SEPTIN8: variants seen among roughly 807,000 people sequenced by gnomAD.
SEPTIN8 encodes the protein septin 8.
SEPTIN8 carries 22 observed loss-of-function variants against 53.1 expected under a neutral mutation model. The observed-to-expected ratio is 0.41, with a 90% CI of 0.30 to 0.59. The LOEUF (loss-of-function observed/expected upper bound fraction) is 0.59, where lower values mean the gene tolerates loss of function less well. Ranked by LOEUF, SEPTIN8 falls within the 20% of genes least tolerant of loss-of-function variation. SEPTIN8 has a pLI of 0.24. For synonymous variants in SEPTIN8, 228 were observed against 248.4 expected, an observed-to-expected ratio of 0.92 and a Z score of 0.77; for missense variants, 536 against 638.7, an observed-to-expected ratio of 0.84 and a Z score of 1.73.
rs749257924 is a variant in SEPTIN8, at chr5:132,750,910, G to T, written c.*1106C>A. Reference sequence around the variant, plus strand: ...AGCACTATGGCTCTGACTATTCCCCGAATGAGCTGCTGAGGATGGAGCTGG... The same window carrying T: ...AGCACTATGGCTCTGACTATTCCCCTAATGAGCTGCTGAGGATGGAGCTGG... On this transcript the variant is annotated 3_prime_UTR_variant, in exon 10 of 10. Coordinates refer to ENST00000378719, the MANE Select transcript of SEPTIN8 (RefSeq NM_001098811.2). The T allele has an allele frequency of 5.8e-5, 94 of 1,614,098 alleles. No individual in the cohort carries two copies. Among genetic ancestry groups the T allele is most frequent in the Non-Finnish European group, 7.5e-5 (88 of 1,180,040 alleles).
rs1755902953 is a variant in SEPTIN8, at chr5:132,761,187, C to T, written c.1041G>A (p.Met347Ile). 1 of 1,614,112 alleles carries T rather than the reference C, an allele frequency of 6.2e-7. No homozygotes were observed. The highest frequency in any genetic ancestry group is 1.3e-5 in the African/African-American group (1 of 74,944). The change falls in exon 8 of 10, where the codon ATG becomes ATA. Residue 347 changes from methionine (M) to isoleucine (I), a missense_variant. Around this residue, in one of 3 missense-constraint regions of SEPTIN8, gnomAD observed 8 missense variants for 29.5 expected, o/e 0.27. Coordinates refer to ENST00000378719, the MANE Select transcript of SEPTIN8 (RefSeq NM_001098811.2). This position sits in a 1 kb window ranked among gnomAD's most constrained non-coding sequence, Gnocchi z 5.8. ...LQRKEEEMRQ[M>I]FVNKVKETEL... is the part of the protein sequence containing the mutation. ...CTGTCTCCTTCACTTTGTTGACAAA[C>T]ATCTGCCTCATCTCTTCCTCCTTCC...
intron 1 of SEPTIN8, among the ~76,000 whole-genome samples, chr5:132,770,028 CACATATAT>C (rs1561767992): frequency 1.2e-4 from 10 of 83,490 alleles, no homozygotes; most frequent in African/African-American, 5.0e-4. Context: ...TATATACACA[CACATATAT>C]ATATATGTGT....
intron 9 of SEPTIN8, chr5:132,753,060 T>C: frequency 9.7e-7 from 1 of 1,035,994 alleles, no homozygotes; most frequent in Non-Finnish European, 1.5e-6. Context: ...TTATGAATCC[T>C]GTAAAAAGGG....
At position 132,761,729 on chromosome 5, in the gene SEPTIN8, G is replaced by GTAC; in HGVS notation, c.793+68_793+70dup. 6.3e-7 allele frequency: 1 copy of GTAC among 1,584,476 alleles called. No individual in the cohort carries two copies. The highest frequency in any genetic ancestry group is 1.2e-5 in the South Asian group (1 of 86,098). On this transcript the variant is annotated intron_variant, in intron 6 of 9. Transcript: ENST00000378719. This position sits in a 1 kb window ranked among gnomAD's most constrained non-coding sequence, Gnocchi z 5.8. ...GGGCATGAGGAGGAAACAGCACAGG[G>GTAC]TACTACAGGCAGCAGGGCAGGCCAG...
In SEPTIN8 at chr5:132,757,242, C is replaced by G. The variant is rs570899810; in HGVS notation, c.1286+3560G>C. On this transcript the variant is annotated intron_variant, in intron 9 of 9. Transcript: ENST00000378719. ...TCAGCCCCATAAAATTTAGATCCAC[C>G]CCTGGTCATAGCATAAAAAGTTGAA... 44 of 985,188 alleles carry G rather than the reference C, an allele frequency of 4.5e-5. No homozygotes were observed. The South Asian group carries it at 1.8e-3, about 40-fold the overall frequency. The allele number at this position is 985,188 out of a possible 1,614,324, so 61.0% of individuals were successfully genotyped here.
chr5:132,759,467 CCT>C (rs139455638), intron 9 of SEPTIN8, among the ~76,000 whole-genome samples: 3,150 of 152,294 alleles, frequency 0.021, 109 homozygotes, highest in African/African-American at 0.072. Flanking sequence ...GCCACAGACC[CCT>C]GTCTGCAGTT....
chr5:132,759,784 G>A (rs1446867508), intron 9 of SEPTIN8, among the ~76,000 whole-genome samples: 1 of 152,204 alleles, frequency 6.6e-6, no homozygotes, highest in Non-Finnish European at 1.5e-5. Context: ...AAGCAGGGAT[G>A]GATGGGATCC....
At chr5:132,767,443 T>G (rs1756716291) in intron 1 of SEPTIN8, among the ~76,000 whole-genome samples, 2 of 152,160 alleles carry the variant, frequency 1.3e-5, no homozygotes, top group Non-Finnish European at 2.9e-5. Flanking sequence ...CCCAAGCACT[T>G]ACGTTCCAGA....
Position 132,760,934 on chromosome 5 carries a change from T to C in SEPTIN8, c.1154A>G (p.Glu385Gly). ...CTCCTCCAGTTCCCGGCGCTTTTCC[T>C]CCACCTTGCGCTTCTCCTCCTGGTG... ...RVHQEEKRKV[E>G]EKRRELEEET... Residue 385 changes from glutamate (E) to glycine (G), a missense_variant, in exon 9 of 10, where the codon GAG becomes GGG. By Grantham distance (98) the Glu-to-Gly change is moderately conservative (BLOSUM62 -2). Transcript: ENST00000378719. This position sits in a 1 kb window ranked among gnomAD's most constrained non-coding sequence, Gnocchi z 5.2. 6.2e-7 allele frequency: 1 copy of C among 1,602,570 alleles called. No individual in the cohort carries two copies. Among genetic ancestry groups the C allele is most frequent in the Non-Finnish European group, 8.5e-7 (1 of 1,175,692 alleles).
chr5:132,756,785 C>T, intron 9 of SEPTIN8: 1 of 985,458 alleles, frequency 1.0e-6, no homozygotes, highest in Non-Finnish European at 1.2e-6. Context: ...TTCAGTATGC[C>T]TGGGGTGCGA....
At chr5:132,758,687 A>C in intron 9 of SEPTIN8, 2 of 1,599,908 alleles carry the variant, frequency 1.3e-6, no homozygotes, top group South Asian at 1.1e-5. Flanking sequence ...GCAAGGCTGT[A>C]AACACTGGAG....
rs1015786233 is a variant in SEPTIN8, at chr5:132,751,058, T to C, written c.*958A>G. On this transcript the variant is annotated 3_prime_UTR_variant, in exon 10 of 10. Coordinates refer to ENST00000378719, the MANE Select transcript of SEPTIN8 (RefSeq NM_001098811.2). ...CTCGTTTGTGCCTTTGGAACAGCTGTTTACAACATGGGATGGCAAAGCACA... is the reference window on the plus strand; with the variant it reads ...CTCGTTTGTGCCTTTGGAACAGCTGCTTACAACATGGGATGGCAAAGCACA... The C allele has an allele frequency of 1.9e-6, 3 of 1,585,624 alleles. No individual in the cohort carries two copies. Among genetic ancestry groups the C allele is most frequent in the Middle Eastern group, 1.7e-4 (1 of 5,900 alleles).
chr5:132,751,857 G>C lies in SEPTIN8; in HGVS notation c.*159C>G, dbSNP rs1293315470. ...CATGGATAGGAATGAAAAGGGTTGG[G>C]CAACATTTGATGTTCCCTGATGGAA... On this transcript the variant is annotated 3_prime_UTR_variant, in exon 10 of 10. Transcript: ENST00000378719. 7.6e-7 allele frequency: 1 copy of C among 1,311,046 alleles called. No individual in the cohort carries two copies. The highest frequency in any genetic ancestry group is 1.0e-6 in the Non-Finnish European group (1 of 954,900). 81.2% of individuals were successfully genotyped at this position (1,311,046 alleles called of 1,614,324 possible). A position where few individuals can be genotyped will look rare whatever the true frequency, so the allele number is the denominator to read the frequency against.
intron 9 of SEPTIN8, among the ~76,000 whole-genome samples, chr5:132,754,748 T>G (rs1755180926): frequency 6.6e-6 from 1 of 152,208 alleles, no homozygotes; most frequent in African/African-American, 2.4e-5. Flanking sequence ...CATTAGGAAC[T>G]CCTATCCCAC....
In SEPTIN8 at chr5:132,761,007, G is replaced by C. The variant is rs1469560201; in HGVS notation, c.1096-15C>G. The C allele has an allele frequency of 1.9e-6, 3 of 1,581,128 alleles. No individual in the cohort carries two copies. Among genetic ancestry groups the C allele is most frequent in the Admixed American group, 3.5e-5 (2 of 57,190 alleles). On this transcript the variant is annotated splice_polypyrimidine_tract_variant and intron_variant, in intron 8 of 9. Transcript: ENST00000378719. This position sits in a 1 kb window ranked among gnomAD's most constrained non-coding sequence, Gnocchi z 5.8. The stretch of plus-strand genomic sequence containing the variant: ...TTCTCATGGAGCTGGCATCAGAAAG[G>C]GGGCAGAAGATGCGGGGAGCAAGAG...
At chr5:132,778,927 C>T (rs1757983371), upstream of SEPTIN8, among the ~76,000 whole-genome samples, 1 of 152,190 alleles carries the variant, frequency 6.6e-6, no homozygotes, top group Non-Finnish European at 1.5e-5. Context: ...GACCAACTGC[C>T]ATCCGTATGG....
chr5:132,753,151 A>T, intron 9 of SEPTIN8: 1 of 609,726 alleles, frequency 1.6e-6, no homozygotes, highest in Non-Finnish European at 2.9e-6. Flanking sequence ...GGGGAAAGGC[A>T]GGCTGAGGTC....
At position 132,759,089 on chromosome 5, in the gene SEPTIN8, G is replaced by A. The variant is rs145256952; in HGVS notation, c.1286+1713C>T. 1.6e-4 allele frequency: 99 copies of A among 615,890 alleles called. 1 individual carries two copies. The African/African-American group carries it at 1.7e-3, about 11-fold the overall frequency. The allele number at this position is 615,890 out of a possible 1,614,324, so 38.2% of individuals were successfully genotyped here. ...ACCAATCAAAACCACTCAAATAAATGGTCATGAAAAACACCCCTGCCCCCA... is the reference window on the plus strand; with the variant it reads ...ACCAATCAAAACCACTCAAATAAATAGTCATGAAAAACACCCCTGCCCCCA... On this transcript the variant is annotated intron_variant, in intron 9 of 9. Transcript: ENST00000378719.
rs773481967 is a variant in SEPTIN8 at position 132,758,819 on chromosome 5, C to T, written c.1286+1983G>A. On this transcript the variant is annotated intron_variant, in intron 9 of 9. Coordinates refer to ENST00000378719, the MANE Select transcript of SEPTIN8 (RefSeq NM_001098811.2). ...CTCTTGACATGTAAGTCTGTGCGTGCGTTAACTGAAAAATAAAAATAAAAC... is the reference window on the plus strand; with the variant it reads ...CTCTTGACATGTAAGTCTGTGCGTGTGTTAACTGAAAAATAAAAATAAAAC... The T allele has an allele frequency of 5.6e-6, 9 of 1,613,620 alleles. No individual in the cohort carries two copies. The East Asian group carries it at 8.9e-5, about 16-fold the overall frequency.
Sources: gnomAD v4.1 joint callset for allele counts (sites outside exome capture counted in the v4.1 genomes callset) on GRCh38, gnomAD v4.1.1 for gene constraint, gnomAD v4.1.1 regional missense constraint, Gnocchi (gnomAD v3.1) non-coding constraint, MANE v1.5 for transcripts, NCBI Gene and HGNC (gene_info 2026-07-23, HGNC 2026-07-21) for gene names.